The following RBFOX1 variants were observed in gnomAD, a reference collection of about 807,000 sequenced individuals.
The protein encoded by RBFOX1 is RNA binding protein fox-1 homolog 1.
Under a neutral mutation model 57.7 loss-of-function variants are expected in RBFOX1, and 8 were observed. That is an observed-to-expected ratio of 0.14 (90% CI 0.08 to 0.25). The LOEUF (loss-of-function observed/expected upper bound fraction) is 0.25. RBFOX1 is among the 10% of genes least tolerant of loss of function. The pLI, the probability that RBFOX1 is intolerant of heterozygous loss-of-function variation, is 1.00. For synonymous variants in RBFOX1, 326 were observed against 222.4 expected (o/e 1.47, Z -4.15); for missense variants, 611 against 548.5 (o/e 1.11, Z -1.14).
intron 4 of RBFOX1, among the ~76,000 whole-genome samples, chr16:7,093,020 G>A (rs1312667874): frequency 6.6e-6 from 1 of 152,196 alleles, no homozygotes; most frequent in East Asian, 1.9e-4. Context: ...TTTTGTTTTG[G>A]AGAGAGAAAT....
intron 4 of RBFOX1, among the ~76,000 whole-genome samples, chr16:7,248,281 C>G (rs947723633): frequency 6.6e-6 from 1 of 152,188 alleles, no homozygotes; most frequent in Non-Finnish European, 1.5e-5. Context: ...CAAATTCTTG[C>G]TGCCTTTCCT....
chr16:5,586,958 G>A (rs1245232533), intron 2 of RBFOX1, among the ~76,000 whole-genome samples: 1 of 152,162 alleles, frequency 6.6e-6, no homozygotes, highest in Non-Finnish European at 1.5e-5. Context: ...GAATTGTGTT[G>A]TCATTGAACC....
chr16:6,194,527 A>C (rs148174434), intron 1 of RBFOX1, among the ~76,000 whole-genome samples: 1 of 152,052 alleles, frequency 6.6e-6, no homozygotes, highest in Non-Finnish European at 1.5e-5. Flanking sequence ...GCCTGTACTC[A>C]TTTCTCTGTC....
chr16:7,499,788 C>T (rs1567526214), intron 4 of RBFOX1, among the ~76,000 whole-genome samples: 1 of 152,098 alleles, frequency 6.6e-6, no homozygotes, highest in African/African-American at 2.4e-5. Flanking sequence ...GCCTCAGTTT[C>T]CTTAGCATTA....
chr16:7,136,095 G>C (rs1037216958), intron 4 of RBFOX1, among the ~76,000 whole-genome samples: 1 of 152,308 alleles, frequency 6.6e-6, no homozygotes, highest in East Asian at 1.9e-4. Context: ...ACACCTTGCA[G>C]GCAAGAATGT....
chr16:6,098,579 G>C lies in RBFOX1; in HGVS notation c.-127+78587G>C, dbSNP rs374637456. On this transcript the variant is annotated intron_variant, in intron 1 of 15. Coordinates refer to ENST00000550418, the MANE Select transcript of RBFOX1 (RefSeq NM_018723.4). ...GAAGCATTAGTCCTGCAGAAACCCTGCTTCAGTCTTTTGTTTCTGGCTGCT... is the reference window on the plus strand; with the variant it reads ...GAAGCATTAGTCCTGCAGAAACCCTCCTTCAGTCTTTTGTTTCTGGCTGCT... Among the ~76,000 whole-genome samples, 3 of 152,212 alleles carry C rather than the reference G, an allele frequency of 2.0e-5. No homozygotes were observed. The East Asian group carries it at 5.8e-4, about 29-fold the overall frequency.
chr16:7,129,748 A>T (rs1273755014), intron 4 of RBFOX1, among the ~76,000 whole-genome samples: 1 of 150,864 alleles, frequency 6.6e-6, no homozygotes, highest in Non-Finnish European at 1.5e-5. Flanking sequence ...TTAAAGTACC[A>T]GGAGACACGA....
intron 3 of RBFOX1, among the ~76,000 whole-genome samples, chr16:6,801,687 G>T (rs376660957): frequency 6.6e-6 from 1 of 152,184 alleles, no homozygotes; most frequent in East Asian, 1.9e-4. Flanking sequence ...GCTATTTCTC[G>T]TGGTCTAATA....
chr16:6,313,590 T>G (rs375461470), intron 1 of RBFOX1, among the ~76,000 whole-genome samples: 22 of 152,192 alleles, frequency 1.4e-4, no homozygotes, highest in East Asian at 1.2e-3. Context: ...TGCATCCATT[T>G]GGATGGAGTG....
chr16:5,806,204 C>G (rs1478169322), intron 3 of RBFOX1, among the ~76,000 whole-genome samples: 6 of 152,116 alleles, frequency 3.9e-5, no homozygotes, highest in African/African-American at 2.4e-5. Context: ...TTTTCTCTAT[C>G]CATTTGTGCA....
chr16:7,478,050 C>T (rs1023332575), intron 4 of RBFOX1, among the ~76,000 whole-genome samples: 1 of 152,176 alleles, frequency 6.6e-6, no homozygotes, highest in Non-Finnish European at 1.5e-5. Context: ...AACTCCAAAT[C>T]GAATAAGTGC....
intron 1 of RBFOX1, among the ~76,000 whole-genome samples, chr16:5,358,575 G>C (rs1193040236): frequency 2.6e-5 from 4 of 152,182 alleles, no homozygotes; most frequent in African/African-American, 7.2e-5. Flanking sequence ...TGTAATCCCA[G>C]CAGTTTGGGA....
At chr16:5,951,664 T>C (rs2059522427) in intron 4 of RBFOX1, among the ~76,000 whole-genome samples, 1 of 152,130 alleles carries the variant, frequency 6.6e-6, no homozygotes, top group African/African-American at 2.4e-5. Context: ...CCTGCACTGC[T>C]GAGTCTCCCC....
At chr16:6,373,045 A>G (rs1196004647) in intron 2 of RBFOX1, among the ~76,000 whole-genome samples, 4 of 149,464 alleles carry the variant, frequency 2.7e-5, no homozygotes, top group African/African-American at 9.9e-5. Context: ...TCAGTGGCAG[A>G]GTATAGTTGG....
At chr16:6,137,076 C>G (rs542714869) in intron 1 of RBFOX1, among the ~76,000 whole-genome samples, 4 of 152,274 alleles carry the variant, frequency 2.6e-5, no homozygotes, top group Admixed American at 2.6e-4. Flanking sequence ...TCTAATCTAT[C>G]ATATTTCCTC....
intron 4 of RBFOX1, among the ~76,000 whole-genome samples, chr16:6,007,018 C>G (rs1257375254): frequency 3.9e-5 from 6 of 152,090 alleles, no homozygotes; most frequent in African/African-American, 7.2e-5. Context: ...TTTACCCTCT[C>G]TCCCCATCCT....
Position 7,232,002 on chromosome 16 carries a change from G to A in RBFOX1, c.27+179904G>A, listed in dbSNP as rs564383112. Among the ~76,000 whole-genome samples the A allele has an allele frequency of 2.6e-3, 393 of 152,208 alleles. 2 individuals carry two copies. Among genetic ancestry groups the A allele is most frequent in the Non-Finnish European group, 4.5e-3 (304 of 68,004 alleles). Reference sequence around the variant, plus strand: ...TAGGGGTGGTGGTTGCATAACATTTGTGAATGAACAAAATGCCACTGAATT... The same window carrying A: ...TAGGGGTGGTGGTTGCATAACATTTATGAATGAACAAAATGCCACTGAATT... On this transcript the variant is annotated intron_variant, in intron 4 of 15. Coordinates refer to ENST00000550418, the MANE Select transcript of RBFOX1 (RefSeq NM_018723.4).
intron 9 of RBFOX1, among the ~76,000 whole-genome samples, chr16:7,606,890 A>T (rs1191938895): frequency 6.6e-6 from 1 of 152,226 alleles, no homozygotes; most frequent in East Asian, 1.9e-4. Flanking sequence ...TTGTTTATGC[A>T]AGCTTTCTAA....
chr16:5,996,679 G>T (rs1467643887), intron 4 of RBFOX1, among the ~76,000 whole-genome samples: 3 of 152,040 alleles, frequency 2.0e-5, no homozygotes, highest in Admixed American at 2.0e-4. Flanking sequence ...AAGAGAGAGA[G>T]CAGTTAAAGG....
Sources: gnomAD v4.1 joint callset for allele counts (sites outside exome capture counted in the v4.1 genomes callset) on GRCh38, gnomAD v4.1.1 for gene constraint, MANE v1.5 for transcripts, NCBI Gene and HGNC (gene_info 2026-07-23, HGNC 2026-07-21) for gene names.